Variants in RBFOX1 observed in about 807,000 individuals in gnomAD.
The protein encoded by RBFOX1 is RNA binding protein fox-1 homolog 1.
Under a neutral mutation model 57.7 loss-of-function variants are expected in RBFOX1, and 8 were observed. That is an observed-to-expected ratio of 0.14 (90% confidence interval 0.08 to 0.25). The LOEUF (loss-of-function observed/expected upper bound fraction) is 0.25. Ranked by LOEUF, RBFOX1 falls within the 10% of genes least tolerant of loss-of-function variation. The probability of loss-of-function intolerance (pLI) is 1.00; values close to 1 mark genes in which losing one functional copy is unlikely to be tolerated. For missense variants in RBFOX1, 611 were observed against 548.5 expected, an observed-to-expected ratio of 1.11 and a Z score of -1.14; for synonymous variants, 326 against 222.4, an observed-to-expected ratio of 1.47 and a Z score of -4.15.
chr16:5,949,255 A>T (rs915691941), intron 4 of RBFOX1, among the ~76,000 whole-genome samples: 1 of 152,146 alleles, frequency 6.6e-6, no homozygotes, highest in Non-Finnish European at 1.5e-5. Context: ...TGTCCTTTCT[A>T]GCTATCTTTA....
rs553918807 is a variant in RBFOX1, at chr16:6,641,708, C to T, written c.-63-12895C>T. On this transcript the variant is annotated intron_variant, in intron 2 of 15. Transcript: ENST00000550418. ...TGAGATGGCACCACCGCAATTCAGCCTGGGTGACAGAGCAGGACTCCGTCT... is the reference window on the plus strand; with the variant it reads ...TGAGATGGCACCACCGCAATTCAGCTTGGGTGACAGAGCAGGACTCCGTCT... Among the ~76,000 whole-genome samples, 8 of 119,008 alleles carry T rather than the reference C, an allele frequency of 6.7e-5. No homozygotes were observed. In the South Asian group the frequency reaches 2.2e-3, roughly 33 times the overall value. 78.1% of individuals were successfully genotyped at this position (119,008 alleles called of 152,430 possible). A position where few individuals can be genotyped will look rare whatever the true frequency, so the allele number is the denominator to read the frequency against.
At chr16:6,605,717 G>A (rs116329122) in intron 2 of RBFOX1, among the ~76,000 whole-genome samples, 1,591 of 152,290 alleles carry the variant, frequency 0.01, 26 homozygotes, top group African/African-American at 0.037. Context: ...CTGTGTCAGC[G>A]AACAGGAGAG....
intron 5 of RBFOX1, among the ~76,000 whole-genome samples, chr16:7,536,895 G>A (rs968269609): frequency 2.0e-5 from 3 of 152,208 alleles, no homozygotes; most frequent in Non-Finnish European, 1.5e-5. Context: ...CAGCACTCCA[G>A]TGACAGAAAG....
At chr16:6,791,260 C>T (rs938822973) in intron 3 of RBFOX1, among the ~76,000 whole-genome samples, 1 of 152,142 alleles carries the variant, frequency 6.6e-6, no homozygotes, top group East Asian at 1.9e-4. Flanking sequence ...ATTCCAGCTG[C>T]CATTGACTCA....
chr16:7,323,490 C>A (rs534869999), intron 4 of RBFOX1, among the ~76,000 whole-genome samples: 1 of 152,106 alleles, frequency 6.6e-6, no homozygotes, highest in African/African-American at 2.4e-5. Context: ...TAATCCATAT[C>A]GCATTCAAAA....
At chr16:6,619,850 C>T (rs558125633) in intron 2 of RBFOX1, among the ~76,000 whole-genome samples, 2 of 152,050 alleles carry the variant, frequency 1.3e-5, no homozygotes, top group African/African-American at 2.4e-5. Context: ...CTGATTGTCT[C>T]CCTCCTCCCA....
At chr16:6,407,645 G>T (rs2093334709) in intron 2 of RBFOX1, among the ~76,000 whole-genome samples, 1 of 151,384 alleles carries the variant, frequency 6.6e-6, no homozygotes, top group East Asian at 1.9e-4. Flanking sequence ...AAGGCAGCAT[G>T]GTTTTGACTT....
intron 4 of RBFOX1, among the ~76,000 whole-genome samples, chr16:5,914,572 C>G (rs540749914): frequency 6.6e-6 from 1 of 151,922 alleles, no homozygotes; most frequent in Admixed American, 6.6e-5. Flanking sequence ...AACATGGCAG[C>G]TGGTGATGAG....
chr16:7,098,951 TGA>T (rs148121369), intron 4 of RBFOX1, among the ~76,000 whole-genome samples: 135 of 152,316 alleles, frequency 8.9e-4, no homozygotes, highest in Admixed American at 2.9e-3. Flanking sequence ...CAACTGATAT[TGA>T]GCTGGTTGCT....
intron 4 of RBFOX1, among the ~76,000 whole-genome samples, chr16:6,000,491 G>A (rs2060578163): frequency 6.6e-6 from 1 of 152,162 alleles, no homozygotes; most frequent in South Asian, 2.1e-4. Flanking sequence ...TCCCGTGCAT[G>A]CCTGTCTTGT....
intron 2 of RBFOX1, among the ~76,000 whole-genome samples, chr16:6,456,726 A>T (rs2094783271): frequency 2.0e-5 from 3 of 152,164 alleles, no homozygotes; most frequent in Admixed American, 6.5e-5. Flanking sequence ...GGGAATGAAG[A>T]CAACTGAATG....
At chr16:6,958,071 C>T (rs755713547) in intron 3 of RBFOX1, among the ~76,000 whole-genome samples, 1 of 151,902 alleles carries the variant, frequency 6.6e-6, no homozygotes, top group Non-Finnish European at 1.5e-5. Flanking sequence ...GAGACTAGCT[C>T]TCATGGATGT....
At chr16:6,051,781 C>G (rs1256575551) in intron 1 of RBFOX1, among the ~76,000 whole-genome samples, 6 of 152,198 alleles carry the variant, frequency 3.9e-5, no homozygotes. Context: ...TCAGGCTGAT[C>G]TTGAACCCCT....
At chr16:5,497,577 G>C (rs1982783) in intron 2 of RBFOX1, among the ~76,000 whole-genome samples, 26,461 of 144,268 alleles carry the variant, frequency 0.18, 2,728 homozygotes, top group Admixed American at 0.23. Context: ...AGGAGTTCAA[G>C]ACCAGCTTGG....
chr16:6,157,701 A>G (rs1051406013), intron 1 of RBFOX1, among the ~76,000 whole-genome samples: 1 of 152,230 alleles, frequency 6.6e-6, no homozygotes, highest in Non-Finnish European at 1.5e-5. Flanking sequence ...TAAAATGCAT[A>G]CATAATTATA....
At chr16:5,847,662 C>T (rs911394206) in intron 3 of RBFOX1, among the ~76,000 whole-genome samples, 2 of 152,020 alleles carry the variant, frequency 1.3e-5, no homozygotes, top group Non-Finnish European at 2.9e-5. Flanking sequence ...CTATATGGCC[C>T]TCCGGAGGCT....
intron 3 of RBFOX1, among the ~76,000 whole-genome samples, chr16:5,818,777 C>G (rs937300882): frequency 2.0e-5 from 3 of 152,140 alleles, no homozygotes; most frequent in Non-Finnish European, 4.4e-5. Context: ...TAATGTCTCC[C>G]CTGAGCATTG....
In RBFOX1 at chr16:7,527,003, G is replaced by T. The variant is rs578213855; in HGVS notation, c.270+8614G>T. Among the ~76,000 whole-genome samples the T allele has an allele frequency of 3.3e-5, 5 of 152,268 alleles. No individual in the cohort carries two copies. In the South Asian group the frequency reaches 1.0e-3, roughly 32 times the overall value. The stretch of plus-strand genomic sequence containing the variant: ...GAAAGGAATTACTCATTTCACCCTG[G>T]GGAGGGCCCCAGCAGACCCAAGCCT... On this transcript the variant is annotated intron_variant, in intron 5 of 15. Transcript: ENST00000550418.
chr16:7,399,761 A>G (rs747266868), intron 4 of RBFOX1, among the ~76,000 whole-genome samples: 5 of 152,204 alleles, frequency 3.3e-5, no homozygotes, highest in Non-Finnish European at 7.3e-5. Context: ...TTACATCTGC[A>G]AAGACCCTCT....
Sources: gnomAD v4.1 joint callset for allele counts (sites outside exome capture counted in the v4.1 genomes callset) on GRCh38, gnomAD v4.1.1 for gene constraint, MANE v1.5 for transcripts, NCBI Gene and HGNC (gene_info 2026-07-23, HGNC 2026-07-21) for gene names.